Variants in LRRK2 observed in about 807,000 individuals in gnomAD.
LRRK2 encodes leucine-rich repeat serine/threonine-protein kinase 2.
Under a neutral mutation model 302.6 loss-of-function variants are expected in LRRK2, and 203 were observed. The ratio of observed to expected loss-of-function variants is 0.67; its 90% CI spans 0.60 to 0.75. The LOEUF (loss-of-function observed/expected upper bound fraction) is 0.75, where lower values mean the gene tolerates loss of function less well. LRRK2 is among the 30% of genes least tolerant of loss of function. The pLI is 0.00. For synonymous variants in LRRK2, 1,066 were observed against 1,031.9 expected, an observed-to-expected ratio of 1.03 and a Z score of -0.63; for missense variants, 2,830 against 2,951.0, an observed-to-expected ratio of 0.96 and a Z score of 0.95.
At chr12:40,352,608 G>A (rs371804959) in intron 44 of LRRK2, among the ~76,000 whole-genome samples, 1 of 150,932 alleles carries the variant, frequency 6.6e-6, no homozygotes, top group Non-Finnish European at 1.5e-5. Context: ...GGACCCTGCG[G>A]CCTTCCGTAG....
chr12:40,268,538 A>G (rs1488844803), intron 14 of LRRK2, among the ~76,000 whole-genome samples: 1 of 152,170 alleles, frequency 6.6e-6, no homozygotes, highest in Non-Finnish European at 1.5e-5. Flanking sequence ...ATGAAAAGAT[A>G]CATCTTTTTT....
chr12:40,359,716 T>A (rs1036006883), intron 47 of LRRK2, among the ~76,000 whole-genome samples: 3 of 152,172 alleles, frequency 2.0e-5, no homozygotes, highest in Non-Finnish European at 4.4e-5. Context: ...CTAAATTTTT[T>A]AACAATTTTT....
intron 43 of LRRK2, among the ~76,000 whole-genome samples, chr12:40,351,031 A>G (rs1946335191): frequency 6.6e-6 from 1 of 152,126 alleles, no homozygotes. Flanking sequence ...TCACAGCTCT[A>G]ATCCCAGTTT....
At chr12:40,294,179 CATCT>C (rs895231373) in intron 21 of LRRK2, among the ~76,000 whole-genome samples, 8 of 145,692 alleles carry the variant, frequency 5.5e-5, no homozygotes, top group Admixed American at 1.4e-4. Flanking sequence ...ATCTATCTAT[CATCT>C]ATCTATCAAT....
intron 42 of LRRK2, 37 bp downstream of exon 42, chr12:40,346,960 C>T: frequency 6.5e-7 from 1 of 1,542,492 alleles, no homozygotes; most frequent in Non-Finnish European, 8.8e-7. Context: ...GATTTTTTTT[C>T]TTAATATCAG....
intron 4 of LRRK2, among the ~76,000 whole-genome samples, chr12:40,236,845 C>G (rs1941487064): frequency 6.6e-6 from 1 of 152,040 alleles, no homozygotes; most frequent in Non-Finnish European, 1.5e-5. Flanking sequence ...TTTAACCTCA[C>G]CCTTGGGAGG....
At chr12:40,348,906 G>T (rs1354221786) in intron 43 of LRRK2, among the ~76,000 whole-genome samples, 1 of 151,946 alleles carries the variant, frequency 6.6e-6, no homozygotes, top group Non-Finnish European at 1.5e-5. Flanking sequence ...GCCCGTTAAT[G>T]AATGGAATTT....
intron 18 of LRRK2, among the ~76,000 whole-genome samples, chr12:40,279,800 G>A (rs1001947973): frequency 6.6e-6 from 1 of 152,110 alleles, no homozygotes; most frequent in South Asian, 2.1e-4. Flanking sequence ...TAAATCCAAG[G>A]ATTATGTATT....
chr12:40,305,771 T>A lies in LRRK2; in HGVS notation c.3778-14T>A. The A allele has an allele frequency of 6.2e-7, 1 of 1,612,988 alleles. No individual in the cohort carries two copies. The highest frequency in any genetic ancestry group is 8.5e-7 in the Non-Finnish European group (1 of 1,179,466). On this transcript the variant is annotated splice_polypyrimidine_tract_variant and intron_variant, in intron 27 of 50. Transcript: ENST00000298910. ...TTCCCACCAACAGGTTTTGCCCTTT[T>A]TTTTCCCATTAAGATTCCTCCTGAG...
At chr12:40,274,764 T>C (rs1943377940) in intron 15 of LRRK2, 37 bp downstream of exon 15, 3 of 1,613,322 alleles carry the variant, frequency 1.9e-6, no homozygotes, top group Non-Finnish European at 2.5e-6. Flanking sequence ...AGAATAGATT[T>C]TTGTAGGGCA....
At chr12:40,317,515 C>T (rs1257700913) in intron 33 of LRRK2, among the ~76,000 whole-genome samples, 1 of 151,992 alleles carries the variant, frequency 6.6e-6, no homozygotes, top group African/African-American at 2.4e-5. Context: ...GCGCCCCGAG[C>T]TGTTAGGTCA....
At chr12:40,245,873 C>T (rs150364407) in intron 7 of LRRK2, among the ~76,000 whole-genome samples, 2,290 of 152,020 alleles carry the variant, frequency 0.015, 149 homozygotes, top group Admixed American at 0.099. Flanking sequence ...AGTTCTCTAC[C>T]TAGCAATTAT....
At chr12:40,321,720 T>C (rs924350411) in intron 35 of LRRK2, among the ~76,000 whole-genome samples, 4 of 152,206 alleles carry the variant, frequency 2.6e-5, no homozygotes. Flanking sequence ...AGTTTTGCGT[T>C]TAGCATGATC....
intron 18 of LRRK2, 149 bp downstream of exon 18, chr12:40,278,410 T>C (rs1943551674): frequency 1.0e-6 from 1 of 972,228 alleles, no homozygotes; most frequent in Non-Finnish European, 1.6e-6. Flanking sequence ...TTGTAGTAGA[T>C]TTATAGAATT....
chr12:40,275,501 TAAG>T (rs1943413843), intron 16 of LRRK2, among the ~76,000 whole-genome samples: 1 of 119,288 alleles, frequency 8.4e-6, no homozygotes, highest in Admixed American at 7.9e-5. Flanking sequence ...CACGGGAGAT[TAAG>T]AATAAATTTG....
chr12:40,284,215 A>C (rs1943823480), intron 19 of LRRK2, 82 bp downstream of exon 19: 2 of 1,311,904 alleles, frequency 1.5e-6, no homozygotes, highest in Non-Finnish European at 2.1e-6. Flanking sequence ...GTGGTTATTC[A>C]TGCCAGTTTG....
In LRRK2 at chr12:40,242,804, C is replaced by CA. The variant is rs35987733; in HGVS notation, c.707-733dup. On this transcript the variant is annotated intron_variant, in intron 6 of 50. Coordinates refer to ENST00000298910, the MANE Select transcript of LRRK2 (RefSeq NM_198578.4). The stretch of plus-strand genomic sequence containing the variant: ...TAAAAGTGTTCCTATTTCTCCACAT[C>CA]AAAAAAAAAAAAAGGTAAGCAATAT... 2.0e-4 allele frequency among the ~76,000 whole-genome samples: 4 copies of CA among 20,028 alleles called. 1 individual carries two copies. The highest frequency in any genetic ancestry group is 3.9e-3 in the East Asian group (2 of 510). The allele number at this position is 20,028 out of a possible 152,430, so 13.1% of individuals were successfully genotyped here.
chr12:40,363,977 G>A (rs1946798634), intron 48 of LRRK2, among the ~76,000 whole-genome samples: 1 of 151,864 alleles, frequency 6.6e-6, no homozygotes, highest in Admixed American at 6.6e-5. Flanking sequence ...TGGACTGACC[G>A]AGGCGCTAAG....
chr12:40,319,185 G>A (rs1592282090), intron 33 of LRRK2, among the ~76,000 whole-genome samples: 1 of 152,154 alleles, frequency 6.6e-6, no homozygotes, highest in African/African-American at 2.4e-5. Context: ...GCTAAAATTT[G>A]TCATATGTAC....
Sources: allele counts gnomAD v4.1 joint callset (sites outside exome capture counted in the v4.1 genomes callset), GRCh38; gene constraint gnomAD v4.1.1; transcripts MANE v1.5; gene names NCBI Gene and HGNC (gene_info 2026-07-23, HGNC 2026-07-21).